The following CDH12 variants were observed in gnomAD, a reference collection of about 807,000 sequenced individuals.
CDH12 encodes the protein cadherin-12.
Under a neutral mutation model 74.1 loss-of-function variants are expected in CDH12, and 41 were observed. The ratio of observed to expected loss-of-function variants is 0.55; its 90% CI spans 0.43 to 0.72. The LOEUF (loss-of-function observed/expected upper bound fraction) is 0.72, where lower values mean the gene tolerates loss of function less well. Among genes scored for constraint, CDH12 ranks in the 30% least tolerant of loss-of-function variants. The probability of loss-of-function intolerance (pLI) is 0.00; values close to 1 mark genes in which losing one functional copy is unlikely to be tolerated. For missense variants in CDH12, 945 were observed against 977.2 expected, an observed-to-expected ratio of 0.97 and a Z score of 0.44; for synonymous variants, 399 against 355.0, an observed-to-expected ratio of 1.12 and a Z score of -1.39.
chr5:22,841,551 T>C (rs1240264053), intron 1 of CDH12, among the ~76,000 whole-genome samples: 3 of 152,122 alleles, frequency 2.0e-5, no homozygotes, highest in Admixed American at 6.6e-5. Context: ...CAGCATATGG[T>C]GTTTAAAACT....
At chr5:22,580,123 A>T (rs1740008193) in intron 1 of CDH12, 1 of 246,432 alleles carries the variant, frequency 4.1e-6, no homozygotes, top group Admixed American at 4.6e-5. Context: ...CCCAAATAGG[A>T]CCTCATACCA....
At chr5:22,625,202 C>A (rs268995) in intron 1 of CDH12, among the ~76,000 whole-genome samples, 51,376 of 151,806 alleles carry the variant, frequency 0.34, 9,146 homozygotes, top group African/African-American at 0.44. Flanking sequence ...GGAGATATAC[C>A]TAATATAAAT....
intron 1 of CDH12, among the ~76,000 whole-genome samples, chr5:22,696,509 A>G (rs1407087866): frequency 6.6e-6 from 1 of 152,172 alleles, no homozygotes; most frequent in East Asian, 1.9e-4. Flanking sequence ...TCTGTCAAAT[A>G]CCTTTTTAGT....
intron 3 of CDH12, among the ~76,000 whole-genome samples, chr5:22,341,749 A>C (rs1007503168): frequency 2.0e-5 from 3 of 152,090 alleles, no homozygotes; most frequent in Non-Finnish European, 2.9e-5. Context: ...AGATCATTTC[A>C]CTGTTAGGCA....
At chr5:22,315,189 C>A (rs1288511505) in intron 3 of CDH12, among the ~76,000 whole-genome samples, 6 of 136,430 alleles carry the variant, frequency 4.4e-5, no homozygotes, top group Non-Finnish European at 7.6e-5. Context: ...GTCTCGATCT[C>A]CTGACCTTGT....
chr5:22,351,042 T>C (rs1223919188), intron 3 of CDH12, among the ~76,000 whole-genome samples: 1 of 152,090 alleles, frequency 6.6e-6, no homozygotes, highest in Non-Finnish European at 1.5e-5. Flanking sequence ...AGTCAAGCCT[T>C]ATAGAGTAAC....
chr5:22,081,038 C>A (rs1742691272), intron 4 of CDH12, among the ~76,000 whole-genome samples: 1 of 152,156 alleles, frequency 6.6e-6, no homozygotes, highest in Non-Finnish European at 1.5e-5. Context: ...CTCAGCCTCC[C>A]AACGTGCTGG....
intron 1 of CDH12, among the ~76,000 whole-genome samples, chr5:22,507,838 G>A (rs1449645459): frequency 1.3e-5 from 2 of 152,114 alleles, no homozygotes; most frequent in Admixed American, 6.6e-5. Context: ...AAGGTGTCAC[G>A]GTGCTGCCAT....
chr5:22,834,483 T>G (rs1736743269), intron 1 of CDH12, among the ~76,000 whole-genome samples: 1 of 152,136 alleles, frequency 6.6e-6, no homozygotes, highest in Non-Finnish European at 1.5e-5. Flanking sequence ...AAACGATGTT[T>G]TCTTTCACTG....
chr5:22,379,467 T>C (rs1452750671), intron 3 of CDH12, among the ~76,000 whole-genome samples: 1 of 152,138 alleles, frequency 6.6e-6, no homozygotes, highest in Non-Finnish European at 1.5e-5. Context: ...AATAAGCAGG[T>C]TGTTCACACG....
intron 4 of CDH12, among the ~76,000 whole-genome samples, chr5:22,191,297 C>T (rs1408715902): frequency 2.0e-5 from 3 of 152,084 alleles, no homozygotes; most frequent in African/African-American, 7.2e-5. Context: ...CTCTTAAAGC[C>T]TCCTTCTCAT....
chr5:22,752,949 A>G (rs1039584385), intron 1 of CDH12, among the ~76,000 whole-genome samples: 21 of 152,006 alleles, frequency 1.4e-4, no homozygotes, highest in Admixed American at 1.0e-3. Context: ...AGCTAAATGC[A>G]TGAGGGTTTT....
At chr5:21,968,775 C>T (rs970201041) in intron 6 of CDH12, among the ~76,000 whole-genome samples, 7 of 152,072 alleles carry the variant, frequency 4.6e-5, no homozygotes, top group African/African-American at 1.7e-4. Context: ...GGTACATATA[C>T]ACCATGAGAT....
At chr5:22,471,546 G>C (rs1211957510) in intron 2 of CDH12, among the ~76,000 whole-genome samples, 1 of 152,022 alleles carries the variant, frequency 6.6e-6, no homozygotes, top group African/African-American at 2.4e-5. Context: ...GGCTACATTT[G>C]TTTCAACATT....
chr5:22,615,179 T>G (rs1018843905), intron 1 of CDH12, among the ~76,000 whole-genome samples: 2 of 152,094 alleles, frequency 1.3e-5, no homozygotes, highest in Non-Finnish European at 2.9e-5. Context: ...AAAATGAGAC[T>G]CTAATCACGT....
rs560732905 is a variant in CDH12, at chr5:22,149,907, T to G, written c.-187+62591A>C. ...CTTCTCGGGAGGCTGAGGCAGAGAA[T>G]TGCTTGAACCTGGAAGGCGGAGGTT... On this transcript the variant is annotated intron_variant, in intron 4 of 14. Transcript: ENST00000382254. Among the ~76,000 whole-genome samples, 5 of 152,192 alleles carry G rather than the reference T, an allele frequency of 3.3e-5. No homozygotes were observed. The East Asian group carries it at 9.7e-4, about 29-fold the overall frequency.
chr5:22,239,719 G>A (rs1752682276), intron 3 of CDH12, among the ~76,000 whole-genome samples: 1 of 152,184 alleles, frequency 6.6e-6, no homozygotes, highest in South Asian at 2.1e-4. Flanking sequence ...TGGCAACAGT[G>A]AAGTGCCAGC....
At chr5:22,498,363 AT>A (rs1463102735) in intron 2 of CDH12, among the ~76,000 whole-genome samples, 1 of 152,072 alleles carries the variant, frequency 6.6e-6, no homozygotes, top group African/African-American at 2.4e-5. Flanking sequence ...ACATTTAATG[AT>A]TTTTTAATAA....
intron 5 of CDH12, among the ~76,000 whole-genome samples, chr5:22,034,480 A>T (rs1320346297): frequency 6.6e-6 from 1 of 152,316 alleles, no homozygotes; most frequent in South Asian, 2.1e-4. Flanking sequence ...TTTCCCAAAA[A>T]TACCATACTA....
Sources: allele counts gnomAD v4.1 joint callset (sites outside exome capture counted in the v4.1 genomes callset), GRCh38; gene constraint gnomAD v4.1.1; transcripts MANE v1.5; gene names NCBI Gene and HGNC (gene_info 2026-07-23, HGNC 2026-07-21).